PIGN: variants seen among roughly 807,000 people sequenced by gnomAD.
PIGN encodes the protein phosphatidylinositol glycan anchor biosynthesis class N.
In PIGN, 117 loss-of-function variants were observed where a neutral mutation model predicts 125.4. The observed-to-expected ratio is 0.93, with a 90% CI of 0.80 to 1.09. PIGN has a LOEUF of 1.09. Ranked by LOEUF, PIGN falls within the 50% of genes least tolerant of loss-of-function variation. PIGN has a pLI of 0.00. For synonymous variants in PIGN, 392 were observed against 377.8 expected, an observed-to-expected ratio of 1.04 and a Z score of -0.44; for missense variants, 1,075 against 1,094.9, an observed-to-expected ratio of 0.98 and a Z score of 0.26.
chr18:62,178,281 G>C (rs1040823155), intron 1 of PIGN, among the ~76,000 whole-genome samples: 1 of 151,846 alleles, frequency 6.6e-6, no homozygotes, highest in Non-Finnish European at 1.5e-5. Context: ...GCAGTCTCCT[G>C]GTTGCTGTAA....
In PIGN at chr18:62,175,858, G is replaced by A. The variant is rs60361922; in HGVS notation, c.-236+10986C>T. 1.8e-4 allele frequency among the ~76,000 whole-genome samples: 27 copies of A among 152,236 alleles called. No individual in the cohort carries two copies. The South Asian group carries it at 4.6e-3, about 26-fold the overall frequency. On this transcript the variant is annotated intron_variant, in intron 1 of 30. Coordinates refer to ENST00000640252, the MANE Select transcript of PIGN (RefSeq NM_176787.5). ...AGTTAATGTAGCATCAAGTCAAAGA[G>A]AAATTTTACTTATTTTGGGGAATAT...
At chr18:62,147,258 AT>A (rs33941382) in intron 8 of PIGN, among the ~76,000 whole-genome samples, 157 bp from the exon 9 acceptor site, 1 of 151,882 alleles carries the variant, frequency 6.6e-6, no homozygotes, top group African/African-American at 2.4e-5. Flanking sequence ...TGTTAAAATA[AT>A]TTTTTCTCCT....
intron 1 of PIGN, among the ~76,000 whole-genome samples, chr18:62,164,641 G>A (rs531014459): frequency 1.3e-5 from 2 of 152,164 alleles, no homozygotes; most frequent in Admixed American, 1.3e-4. Flanking sequence ...CAACACATGG[G>A]GATTACAATT....
At chr18:62,025,464 G>A (rs2144872296) in intron 23 of PIGN, among the ~76,000 whole-genome samples, 1 of 152,294 alleles carries the variant, frequency 6.6e-6, no homozygotes, top group East Asian at 1.9e-4. Flanking sequence ...GCATGTGGTT[G>A]GATAAGCTTA....
At chr18:62,165,526 G>A (rs536348189) in intron 1 of PIGN, among the ~76,000 whole-genome samples, 6 of 152,090 alleles carry the variant, frequency 3.9e-5, no homozygotes, top group East Asian at 1.9e-4. Flanking sequence ...ATGGGGGGAC[G>A]TAAAGCTGAG....
intron 14 of PIGN, among the ~76,000 whole-genome samples, chr18:62,122,857 A>G (rs922876728): frequency 6.6e-6 from 1 of 152,206 alleles, no homozygotes; most frequent in African/African-American, 2.4e-5. Flanking sequence ...AGTTTTAGAT[A>G]TAATATAGTA....
intron 30 of PIGN, among the ~76,000 whole-genome samples, chr18:62,057,094 A>G (rs1450835515): frequency 6.6e-6 from 1 of 152,080 alleles, no homozygotes; most frequent in African/African-American, 2.4e-5. Context: ...GTACTAAAGG[A>G]CTTTATTTTT....
chr18:62,136,561 C>G (rs1219399282), intron 14 of PIGN: 1 of 152,118 alleles, frequency 6.6e-6, no homozygotes, highest in Non-Finnish European at 1.5e-5. Context: ...ATTGGCCAGG[C>G]TGGTCTCAAA....
chr18:62,041,640 G>GGGGTGTGTGTGTGTGTGTGTGTGTGT lies in PIGN; in HGVS notation c.*4215_*4216insACACACACACACACACACACACACCC, dbSNP rs1355691128. On this transcript the variant is annotated 3_prime_UTR_variant, in exon 31 of 31. Transcript: ENST00000640252. ...ATTACAGGAGCCTACCACCCCGCCG[G>GGGGTGTGTGTGTGTGTGTGTGTGTGT]GTGTGTGTGTGTGTGTGTGTGTGTG... 3 of 77,470 alleles carry GGGGTGTGTGTGTGTGTGTGTGTGTGT rather than the reference G, an allele frequency of 3.9e-5. No individual in the cohort carries two copies. The highest frequency in any genetic ancestry group is 4.9e-5 in the Non-Finnish European group (2 of 40,880). The allele number at this position is 77,470 out of a possible 1,614,324, so 4.8% of individuals were successfully genotyped here. A position where few individuals can be genotyped will look rare whatever the true frequency, so the allele number is the denominator to read the frequency against.
intron 25 of PIGN, among the ~76,000 whole-genome samples, chr18:62,087,491 C>A (rs1263643602): frequency 6.6e-6 from 1 of 152,094 alleles, no homozygotes; most frequent in Non-Finnish European, 1.5e-5. Context: ...AAAATAATGG[C>A]AGCAACTATA....
intron 14 of PIGN, among the ~76,000 whole-genome samples, chr18:62,134,490 G>C (rs4941112): frequency 2.6e-5 from 4 of 151,916 alleles, no homozygotes; most frequent in African/African-American, 9.7e-5. Flanking sequence ...CAATAGCACC[G>C]CTACTATTCC....
At chr18:62,147,406 C>T (rs928504336) in intron 8 of PIGN, among the ~76,000 whole-genome samples, 3 of 152,188 alleles carry the variant, frequency 2.0e-5, no homozygotes, top group Admixed American at 2.0e-4. Context: ...ACTCTTACTA[C>T]ATAAACTAAA....
intron 3 of PIGN, 127 bp from the exon 4 acceptor site, chr18:62,161,512 T>G (rs2036953482): frequency 1.9e-6 from 1 of 540,034 alleles, no homozygotes; most frequent in East Asian, 2.9e-5. Flanking sequence ...CAACTTTACT[T>G]TCATTTGTGG....
At chr18:62,098,127 T>G (rs2034286658) in intron 22 of PIGN, among the ~76,000 whole-genome samples, 1 of 152,254 alleles carries the variant, frequency 6.6e-6, no homozygotes, top group Non-Finnish European at 1.5e-5. Context: ...CAATGTTCCC[T>G]GAGCATAGTG....
chr18:62,110,012 A>G (rs1380187729), intron 16 of PIGN, 39 bp from the exon 17 acceptor site: 7 of 1,600,472 alleles, frequency 4.4e-6, no homozygotes, highest in African/African-American at 1.3e-5. Flanking sequence ...CTTCCAAACC[A>G]ATGGTAATTG....
chr18:62,118,830 T>G, intron 14 of PIGN, among the ~76,000 whole-genome samples: 1 of 150,652 alleles, frequency 6.6e-6, no homozygotes, highest in African/African-American at 2.4e-5. Context: ...TATACTATAT[T>G]ATTCAGAGAA....
At chr18:62,158,811 C>G (rs560767459) in intron 4 of PIGN, among the ~76,000 whole-genome samples, 13 of 152,130 alleles carry the variant, frequency 8.5e-5, no homozygotes, top group Admixed American at 5.9e-4. Flanking sequence ...CAAATATTAA[C>G]GAGAAATATT....
chr18:62,088,108 A>C (rs531709366), intron 25 of PIGN, among the ~76,000 whole-genome samples: 3 of 152,344 alleles, frequency 2.0e-5, no homozygotes, highest in South Asian at 2.1e-4. Context: ...TTTACAATGT[A>C]TACATATATC....
Position 62,085,245 on chromosome 18 carries a change from G to C in PIGN, c.2390C>G (p.Ala797Gly). ...AGCTATATTTCCAGTTCCAAAAAATGCTGTCACTAAGAAGAAAACCTAAAG... is the reference window on the plus strand; with the variant it reads ...AGCTATATTTCCAGTTCCAAAAAATCCTGTCACTAAGAAGAAAACCTAAAG... Reference protein sequence around the residue: ...AFFLVFFLVTAFFGTGNIASI... With the variant: ...AFFLVFFLVTGFFGTGNIASI... The change falls in exon 26 of 31, where the codon GCA becomes GGA. Residue 797 changes from alanine (A) to glycine (G), a missense_variant. By Grantham distance (60) the Ala-to-Gly change is moderately conservative (BLOSUM62 0). Around this residue, in one of 3 missense-constraint regions of PIGN, gnomAD observed 915 missense variants for 908.7 expected, o/e 1.01. Coordinates refer to ENST00000640252, the MANE Select transcript of PIGN (RefSeq NM_176787.5). The C allele has an allele frequency of 6.5e-7, 1 of 1,544,252 alleles. No individual in the cohort carries two copies. Among genetic ancestry groups the C allele is most frequent in the Non-Finnish European group, 8.8e-7 (1 of 1,140,862 alleles).
Sources: allele counts gnomAD v4.1 joint callset (sites outside exome capture counted in the v4.1 genomes callset), GRCh38; gene constraint gnomAD v4.1.1; regional missense constraint gnomAD v4.1.1; transcripts MANE v1.5; gene names NCBI Gene and HGNC (gene_info 2026-07-23, HGNC 2026-07-21).